Variants in WDR3 observed in about 807,000 individuals in gnomAD.
WDR3 encodes WD repeat domain 3.
A neutral mutation model predicts 123.7 loss-of-function variants in WDR3; 81 were observed. The observed-to-expected ratio is 0.65, with a 90% CI of 0.55 to 0.79. The LOEUF (loss-of-function observed/expected upper bound fraction) is 0.79. Among genes scored for constraint, WDR3 ranks in the 30% least tolerant of loss-of-function variants. The pLI is 0.00. For missense variants in WDR3, 1,027 were observed against 1,123.2 expected (o/e 0.91, Z 1.22); for synonymous variants, 390 against 388.8 (o/e 1.00, Z -0.04).
chr1:117,937,444 G>T (rs1046530147), intron 4 of WDR3, among the ~76,000 whole-genome samples: 5 of 152,148 alleles, frequency 3.3e-5, no homozygotes, highest in Non-Finnish European at 7.4e-5. Flanking sequence ...GGTTTGCCAG[G>T]CATTAATTAG....
Position 117,941,162 on chromosome 1 carries a change from G to A in WDR3, c.828G>A (p.Arg276=), listed in dbSNP as rs139076799. The A allele has an allele frequency of 2.9e-4, 460 of 1,613,988 alleles. No homozygotes were observed. The highest frequency in any genetic ancestry group is 3.8e-4 in the Non-Finnish European group (447 of 1,180,030). The change falls in exon 8 of 27, where the codon CGG becomes CGA. Residue 276 remains arginine (R), a synonymous_variant. Coordinates refer to ENST00000349139, the MANE Select transcript of WDR3 (RefSeq NM_006784.3). The part of the protein sequence containing the change: ...LSCRKAGSIM[R]EGRDRVVNLA... ...GCAGAAAAGCTGGTTCCATAATGCG[G>A]GAAGGAAGAGACAGAGTTGTAAACC...
rs769228463 is a variant in WDR3 at position 117,950,080 on chromosome 1, G to A, written c.1696G>A (p.Val566Met). ...CTCTCCCAATCAAAAGCTATTGGCTGTGTCTTTGCTGGACTGTACTGTGAA... is the reference window on the plus strand; with the variant it reads ...CTCTCCCAATCAAAAGCTATTGGCTATGTCTTTGCTGGACTGTACTGTGAA... ...SYSPNQKLLAVSLLDCTVKIF... is the reference protein window; with the variant it reads ...SYSPNQKLLAMSLLDCTVKIF... The change falls in exon 15 of 27, where the codon GTG becomes ATG. Residue 566 changes from valine (V) to methionine (M), a missense_variant. By Grantham distance (21) the Val-to-Met change is conservative. Transcript: ENST00000349139. The A allele has an allele frequency of 5.6e-6, 9 of 1,613,814 alleles. No homozygotes were observed. Among genetic ancestry groups the A allele is most frequent in the African/African-American group, 1.3e-5 (1 of 74,894 alleles).
At chr1:117,946,217 C>A (rs776210982) in intron 12 of WDR3, 38 bp downstream of exon 12, 1 of 1,534,068 alleles carries the variant, frequency 6.5e-7, no homozygotes, top group Non-Finnish European at 8.9e-7. Flanking sequence ...TGGATCTTTT[C>A]TACTCAAAAT....
At position 117,963,709 on chromosome 1, in the gene WDR3, C is replaced by G; in HGVS notation, c.*4262C>G. 1.6e-6 allele frequency: 2 copies of G among 1,258,316 alleles called. No homozygotes were observed. The highest frequency in any genetic ancestry group is 2.2e-6 in the Non-Finnish European group (2 of 912,452). 77.9% of individuals were successfully genotyped at this position (1,258,316 alleles called of 1,614,324 possible). A position where few individuals can be genotyped will look rare whatever the true frequency, so the allele number is the denominator to read the frequency against. On this transcript the variant is annotated 3_prime_UTR_variant, in exon 27 of 27. Transcript: ENST00000349139. ...TTCAGGCCAGGTGGCTTATAGGTTT[C>G]TGACTATAAGAAGAGGGGAAGAAAC... is the stretch of plus-strand genomic sequence containing the variant.
In WDR3 at chr1:117,966,462, A is replaced by G. The variant is rs1395950374; in HGVS notation, c.*7015A>G. 1.3e-6 allele frequency: 1 copy of G among 774,830 alleles called. No individual in the cohort carries two copies. Among genetic ancestry groups the G allele is most frequent in the African/African-American group, 1.8e-5 (1 of 56,578 alleles). 48.0% of individuals were successfully genotyped at this position (774,830 alleles called of 1,614,324 possible). A position where few individuals can be genotyped will look rare whatever the true frequency, so the allele number is the denominator to read the frequency against. Reference sequence around the variant, plus strand: ...TTTGGCTAGGTGCTTTCAAAGATGAATGAAGATGCTCTTTGTCTTAATAAA... The same window carrying G: ...TTTGGCTAGGTGCTTTCAAAGATGAGTGAAGATGCTCTTTGTCTTAATAAA... On this transcript the variant is annotated 3_prime_UTR_variant, in exon 27 of 27. Transcript: ENST00000349139.
Position 117,952,926 on chromosome 1 carries a change from G to GC in WDR3, c.2152-20_2152-19insC. 1 of 1,612,282 alleles carries GC rather than the reference G, an allele frequency of 6.2e-7. No homozygotes were observed. Among genetic ancestry groups the GC allele is most frequent in the Non-Finnish European group, 8.5e-7 (1 of 1,179,042 alleles). The stretch of plus-strand genomic sequence containing the variant: ...CCATGTTTTTTTCTCTCAAATTAAT[G>GC]TATATCTATCTCATGGCAGGAAAGA... On this transcript the variant is annotated intron_variant, in intron 19 of 26. Transcript: ENST00000349139.
chr1:117,941,843 G>T lies in WDR3; in HGVS notation c.985G>T (p.Ala329Ser). 6.2e-7 allele frequency: 1 copy of T among 1,607,062 alleles called. No homozygotes were observed. Among genetic ancestry groups the T allele is most frequent in the South Asian group, 1.1e-5 (1 of 89,282 alleles). ...DKKMKKARKK[A>S]KLHSSKGEEE... ...GAAGATGAAGAAAGCTAGAAAGAAAGCAAAGTATGTTTTCTTAATACTTAC... is the reference window on the plus strand; with the variant it reads ...GAAGATGAAGAAAGCTAGAAAGAAATCAAAGTATGTTTTCTTAATACTTAC... The change falls in exon 9 of 27, where the codon GCA (alanine) becomes TCA (serine). Residue 329 changes from alanine to serine, a missense_variant. Coordinates refer to ENST00000349139, the MANE Select transcript of WDR3 (RefSeq NM_006784.3).
intron 4 of WDR3, among the ~76,000 whole-genome samples, chr1:117,937,888 A>G (rs1010818383): frequency 1.1e-4 from 16 of 152,206 alleles, no homozygotes; most frequent in African/African-American, 3.6e-4. Context: ...TTGATTCTAC[A>G]GGGAACATTG....
chr1:117,948,383 T>G, intron 12 of WDR3, 22 bp from the exon 13 acceptor site: 1 of 1,605,726 alleles, frequency 6.2e-7, no homozygotes, highest in Non-Finnish European at 8.5e-7. Context: ...ATTGGAGCTG[T>G]GCTCATTTTG....
chr1:117,952,596 T>A lies in WDR3; in HGVS notation c.2085T>A (p.His695Gln). 10 of 1,613,676 alleles carry A rather than the reference T, an allele frequency of 6.2e-6. No individual in the cohort carries two copies. Among genetic ancestry groups the A allele is most frequent in the Non-Finnish European group, 8.5e-6 (10 of 1,179,648 alleles). The stretch of plus-strand genomic sequence containing the variant: ...GAGACTATGTTGTATCATCGTCCCA[T>A]GACAAATCTCTGAGACTTTGGGAGA... ...PSGDYVVSSSHDKSLRLWERT... is the reference protein window; with the variant it reads ...PSGDYVVSSSQDKSLRLWERT... The change falls in exon 19 of 27, where the codon CAT becomes CAA. Residue 695 changes from histidine to glutamine, a missense_variant. Coordinates refer to ENST00000349139, the MANE Select transcript of WDR3 (RefSeq NM_006784.3).
intron 10 of WDR3, among the ~76,000 whole-genome samples, chr1:117,943,045 C>T (rs1651233893): frequency 6.6e-6 from 1 of 151,970 alleles, no homozygotes; most frequent in African/African-American, 2.4e-5. Flanking sequence ...CTCCATCTCT[C>T]AGGTTCAAGC....
intron 3 of WDR3, among the ~76,000 whole-genome samples, chr1:117,936,214 G>A (rs1029317981): frequency 1.3e-5 from 2 of 151,996 alleles, no homozygotes; most frequent in Admixed American, 1.3e-4. Flanking sequence ...CATTTTGATA[G>A]TATGAATCCA....
Position 117,959,410 on chromosome 1 carries a change from G to A in WDR3, c.2795G>A (p.Arg932Lys), listed in dbSNP as rs1370163491. The A allele has an allele frequency of 1.2e-6, 2 of 1,611,274 alleles. No individual in the cohort carries two copies. The highest frequency in any genetic ancestry group is 1.3e-5 in the African/African-American group (1 of 74,646). Residue 932 changes from arginine to lysine, a missense_variant, in exon 27 of 27, where the codon AGG becomes AAG. Physicochemically the swap from Arg to Lys is conservative, Grantham distance 26 (BLOSUM62 2). Coordinates refer to ENST00000349139, the MANE Select transcript of WDR3 (RefSeq NM_006784.3). ...TSHLEEKKRK[R>K]KKREKLILTL... is the part of the protein sequence containing the mutation. ...CACTTGGAAGAGAAGAAGAGGAAGAGGAAAAAGAGGGAGAAGTTGATTCTA... is the reference window on the plus strand; with the variant it reads ...CACTTGGAAGAGAAGAAGAGGAAGAAGAAAAAGAGGGAGAAGTTGATTCTA...
Position 117,933,377 on chromosome 1 carries a change from G to A in WDR3, c.58G>A (p.Gly20Ser), listed in dbSNP as rs756719484. ...TGCTAGTGCGGTCTTTGGCGTTATC[G>A]GCAGCCAAAAAGGTAATATTGTCTT... is the stretch of plus-strand genomic sequence containing the variant. Reference protein sequence around the residue: ...YVASAVFGVIGSQKGNIVFVT... With the variant: ...YVASAVFGVISSQKGNIVFVT... The change falls in exon 2 of 27, where the codon GGC (glycine) becomes AGC (serine). Residue 20 changes from glycine to serine, a missense_variant. By Grantham distance (56) the Gly-to-Ser change is moderately conservative. Transcript: ENST00000349139. The A allele has an allele frequency of 6.2e-7, 1 of 1,614,154 alleles. No individual in the cohort carries two copies. The highest frequency in any genetic ancestry group is 8.5e-7 in the Non-Finnish European group (1 of 1,180,038).
chr1:117,946,934 C>G (rs145548917), intron 12 of WDR3, among the ~76,000 whole-genome samples: 1,394 of 126,396 alleles, frequency 0.011, 21 homozygotes, highest in African/African-American at 0.041. Context: ...GAGCAAGACT[C>G]CATCTCAAAA....
In WDR3 at chr1:117,933,428, C is replaced by T. The variant is rs752558378; in HGVS notation, c.109C>T (p.Arg37Cys). Residue 37 changes from arginine (R) to cysteine (C), a missense_variant, in exon 2 of 27, where the codon CGT (arginine) becomes TGT (cysteine). Coordinates refer to ENST00000349139, the MANE Select transcript of WDR3 (RefSeq NM_006784.3). ...VFVTLRGEKG[R>C]YVAVPACEHV... ...TGTGACACTTCGTGGTGAGAAAGGA[C>T]GTTATGTGGCAGTACCAGCTTGTGA... is the stretch of plus-strand genomic sequence containing the variant. 1.2e-6 allele frequency: 2 copies of T among 1,613,938 alleles called. No individual in the cohort carries two copies. The highest frequency in any genetic ancestry group is 1.1e-5 in the South Asian group (1 of 91,086).
rs1435555559 is a variant in WDR3, at chr1:117,964,010, A to C, written c.*4563A>C. 3 of 1,496,258 alleles carry C rather than the reference A, an allele frequency of 2.0e-6. No homozygotes were observed. In the African/African-American group the frequency reaches 4.2e-5, roughly 21 times the overall value. 92.7% of individuals were successfully genotyped at this position (1,496,258 alleles called of 1,614,324 possible). ...CATATATAAACCTAAATAACATTTT[A>C]GAATCATAGAATTTCTTCTCTGGCA... On this transcript the variant is annotated 3_prime_UTR_variant, in exon 27 of 27. Transcript: ENST00000349139.
chr1:117,930,530 A>G (rs1385264032), intron 1 of WDR3, among the ~76,000 whole-genome samples: 1 of 152,224 alleles, frequency 6.6e-6, no homozygotes, highest in Non-Finnish European at 1.5e-5. Context: ...GAAACTGGCA[A>G]ACGATTTAGC....
At position 117,958,927 on chromosome 1, in the gene WDR3, T is replaced by C. The variant is rs1652627933; in HGVS notation, c.2600T>C (p.Ile867Thr). The part of the protein sequence containing the change: ...FFLLRIHFGQ[I>T]TSNQMLVPVI... ...TCTATCAGGATTCACTTTGGACAGATCACTAGCAATCAAATGCTTGTGCCA... is the reference window on the plus strand; with the variant it reads ...TCTATCAGGATTCACTTTGGACAGACCACTAGCAATCAAATGCTTGTGCCA... Residue 867 changes from isoleucine (I) to threonine (T), a missense_variant, in exon 26 of 27, where the codon ATC (isoleucine) becomes ACC (threonine). Coordinates refer to ENST00000349139, the MANE Select transcript of WDR3 (RefSeq NM_006784.3). 5 of 1,613,872 alleles carry C rather than the reference T, an allele frequency of 3.1e-6. No individual in the cohort carries two copies. The highest frequency in any genetic ancestry group is 2.5e-6 in the Non-Finnish European group (3 of 1,179,942).
Sources: gnomAD v4.1 joint callset for allele counts (sites outside exome capture counted in the v4.1 genomes callset) on GRCh38, gnomAD v4.1.1 for gene constraint, MANE v1.5 for transcripts, NCBI Gene and HGNC (gene_info 2026-07-23, HGNC 2026-07-21) for gene names.